Variants in RBBP5 observed in about 807,000 individuals in gnomAD.
RBBP5 encodes retinoblastoma-binding protein 5.
In RBBP5, 5 loss-of-function variants were observed where a neutral mutation model predicts 72.2. That is an observed-to-expected ratio of 0.07 (90% confidence interval 0.04 to 0.15). The LOEUF (loss-of-function observed/expected upper bound fraction) is 0.15. Among genes scored for constraint, RBBP5 ranks in the 10% least tolerant of loss-of-function variants. RBBP5 has a pLI of 1.00. For missense variants in RBBP5, 322 were observed against 652.2 expected (o/e 0.49, Z 5.51); for synonymous variants, 209 against 237.2 (o/e 0.88, Z 1.09).
At chr1:205,116,144 T>A in intron 1 of RBBP5, 1 of 582,550 alleles carries the variant, frequency 1.7e-6, no homozygotes, top group Non-Finnish European at 2.9e-6. Context: ...GAAGCAGATG[T>A]GAGAAGTCCC....
intron 3 of RBBP5, among the ~76,000 whole-genome samples, chr1:205,111,883 C>A (rs759960914): frequency 9.9e-5 from 15 of 152,180 alleles, no homozygotes; most frequent in Middle Eastern, 6.8e-3. Flanking sequence ...TATCGTATGT[C>A]CCATACCACA....
At chr1:205,120,779 TAA>T (rs35836514) in intron 1 of RBBP5, among the ~76,000 whole-genome samples, 14 of 137,592 alleles carry the variant, frequency 1.0e-4, no homozygotes, top group Admixed American at 1.5e-4. Flanking sequence ...GAGGCTGTCT[TAA>T]AAAAAAAAAA....
chr1:205,105,099 A>G lies in RBBP5; in HGVS notation c.288T>C (p.Leu96=). The change falls in exon 4 of 14, where the codon CTT becomes CTC. Residue 96 remains leucine (L), a synonymous_variant. Coordinates refer to ENST00000264515, the MANE Select transcript of RBBP5 (RefSeq NM_005057.4). ...GAAACCTCTGGTCACAGTCGCCTGAAAGAACATCCCACTGTGACACTATGT... is the reference window on the plus strand; with the variant it reads ...GAAACCTCTGGTCACAGTCGCCTGAGAGAACATCCCACTGTGACACTATGT... ...TDNIVSQWDV[L]SGDCDQRFRF... 6.2e-7 allele frequency: 1 copy of G among 1,614,060 alleles called. No individual in the cohort carries two copies. The highest frequency in any genetic ancestry group is 8.5e-7 in the Non-Finnish European group (1 of 1,180,000).
At chr1:205,094,381 T>A (rs562691964) in intron 13 of RBBP5, among the ~76,000 whole-genome samples, 23 of 152,290 alleles carry the variant, frequency 1.5e-4, no homozygotes, top group African/African-American at 5.5e-4. Context: ...CCTGTGGGAT[T>A]TGAACAATTT....
At chr1:205,090,490 T>C (rs984390920) in intron 13 of RBBP5, among the ~76,000 whole-genome samples, 15 of 152,286 alleles carry the variant, frequency 9.8e-5, no homozygotes, top group Admixed American at 6.5e-4. Context: ...CAAAAGCTTG[T>C]TGAGGCATCA....
Position 205,100,071 on chromosome 1 carries a change from G to C in RBBP5, c.753-7C>G. 6.2e-7 allele frequency: 1 copy of C among 1,613,814 alleles called. No individual in the cohort carries two copies. Among genetic ancestry groups the C allele is most frequent in the African/African-American group, 1.3e-5 (1 of 75,034 alleles). On this transcript the variant is annotated splice_polypyrimidine_tract_variant and splice_region_variant and intron_variant, in intron 7 of 13. Transcript: ENST00000264515. ...ACATTTCTTCCATGGGGTCCTAAAG[G>C]ACAAGGAAAGTACCAAGGAGAGCTG...
intron 6 of RBBP5, 87 bp from the exon 7 acceptor site, chr1:205,100,358 G>A (rs937647006): frequency 2.0e-6 from 3 of 1,487,188 alleles, no homozygotes; most frequent in African/African-American, 2.8e-5. Context: ...GGGAAGAATT[G>A]AGGAAAAATC....
At chr1:205,110,869 G>A (rs1656284358) in intron 3 of RBBP5, among the ~76,000 whole-genome samples, 1 of 152,214 alleles carries the variant, frequency 6.6e-6, no homozygotes, top group South Asian at 2.1e-4. Flanking sequence ...GTCAAGACTG[G>A]CCTGGCCAAC....
At position 205,114,893 on chromosome 1, in the gene RBBP5, C is replaced by T. The variant is rs760798854; in HGVS notation, c.114G>A (p.Leu38=). ...GGCCATCATTACAGCCAACTGCAAG[C>T]AGTGTGCCCCACCTGTTAAAGGTGC... ...LTCTFNRWGT[L]LAVGCNDGRI... Residue 38 remains leucine, a synonymous_variant, in exon 3 of 14, where the codon CTG becomes CTA. Transcript: ENST00000264515. 8 of 1,589,028 alleles carry T rather than the reference C, an allele frequency of 5.0e-6. No individual in the cohort carries two copies. The highest frequency in any genetic ancestry group is 1.7e-5 in the Admixed American group (1 of 58,010).
chr1:205,095,357 T>C (rs1418144908), intron 12 of RBBP5, among the ~76,000 whole-genome samples: 1 of 104,938 alleles, frequency 9.5e-6, no homozygotes, highest in African/African-American at 3.4e-5. Flanking sequence ...TAAATTTTCT[T>C]AAAACATTAT....
intron 3 of RBBP5, among the ~76,000 whole-genome samples, chr1:205,113,530 G>A (rs936934576): frequency 2.6e-5 from 4 of 152,012 alleles, no homozygotes; most frequent in African/African-American, 7.2e-5. Context: ...CTCCCAAAGC[G>A]CTGGGATTAT....
chr1:205,096,994 A>G (rs939608210), intron 11 of RBBP5, 83 bp from the exon 12 acceptor site: 2 of 1,234,806 alleles, frequency 1.6e-6, no homozygotes, highest in African/African-American at 3.0e-5. Context: ...TATCACCTAT[A>G]TTAAGCATAA....
chr1:205,112,217 T>C (rs745517177), intron 3 of RBBP5, among the ~76,000 whole-genome samples: 11 of 151,254 alleles, frequency 7.3e-5, no homozygotes, highest in South Asian at 4.2e-4. Context: ...ACTCAGGAGG[T>C]TGAGGCAGGA....
At chr1:205,103,277 A>T (rs550774396) in intron 5 of RBBP5, among the ~76,000 whole-genome samples, 15 of 151,906 alleles carry the variant, frequency 9.9e-5, no homozygotes, top group Non-Finnish European at 1.6e-4. Flanking sequence ...CCATGAAATT[A>T]TACTAACCCA....
chr1:205,114,896 T>C lies in RBBP5; in HGVS notation c.111A>G (p.Thr37=). 1 of 1,590,538 alleles carries C rather than the reference T, an allele frequency of 6.3e-7. No individual in the cohort carries two copies. The part of the protein sequence containing the change: ...ALTCTFNRWG[T]LLAVGCNDGR... Reference sequence around the variant, plus strand: ...CATCATTACAGCCAACTGCAAGCAGTGTGCCCCACCTGTTAAAGGTGCAAG... The same window carrying C: ...CATCATTACAGCCAACTGCAAGCAGCGTGCCCCACCTGTTAAAGGTGCAAG... The change falls in exon 3 of 14, where the codon ACA becomes ACG. Residue 37 remains threonine (T), a synonymous_variant. Transcript: ENST00000264515.
At position 205,114,980 on chromosome 1, in the gene RBBP5, A is replaced by G. The variant is rs758830163; in HGVS notation, c.46-19T>C. On this transcript the variant is annotated intron_variant, in intron 2 of 13. Transcript: ENST00000264515. Reference sequence around the variant, plus strand: ...CAGCTTCCTAAAAATTGAAACAAATACAAGAATAGAGGCAACAATAGCCAG... The same window carrying G: ...CAGCTTCCTAAAAATTGAAACAAATGCAAGAATAGAGGCAACAATAGCCAG... 6.4e-7 allele frequency: 1 copy of G among 1,571,428 alleles called. No homozygotes were observed. Among genetic ancestry groups the G allele is most frequent in the Non-Finnish European group, 8.7e-7 (1 of 1,154,806 alleles).
In RBBP5 at chr1:205,103,938, C is replaced by T. The variant is rs1173518146; in HGVS notation, c.441G>A (p.Val147=). 6.2e-7 allele frequency: 1 copy of T among 1,614,022 alleles called. No individual in the cohort carries two copies. Among genetic ancestry groups the T allele is most frequent in the Admixed American group, 1.7e-5 (1 of 59,996 alleles). ...LSDSKHVVLP[V]DDDSDLNVVA... Reference sequence around the variant, plus strand: ...CAACGTTCAAATCGGAGTCATCGTCCACCGGCAGAACAACATGTTTGGAAT... The same window carrying T: ...CAACGTTCAAATCGGAGTCATCGTCTACCGGCAGAACAACATGTTTGGAAT... The change falls in exon 5 of 14, where the codon GTG becomes GTA. Residue 147 remains valine (V), a synonymous_variant. Coordinates refer to ENST00000264515, the MANE Select transcript of RBBP5 (RefSeq NM_005057.4).
chr1:205,112,782 CA>C (rs1656368229), intron 3 of RBBP5, among the ~76,000 whole-genome samples: 1 of 152,032 alleles, frequency 6.6e-6, no homozygotes, highest in Admixed American at 6.6e-5. Flanking sequence ...GAGGGAAAAG[CA>C]AAATACAGAA....
intron 2 of RBBP5, 104 bp downstream of exon 2, chr1:205,115,754 A>G: frequency 7.3e-7 from 1 of 1,365,544 alleles, no homozygotes; most frequent in Non-Finnish European, 9.8e-7. Context: ...ATCACACTTA[A>G]TGCTTCTCTG....
Sources: allele counts gnomAD v4.1 joint callset (sites outside exome capture counted in the v4.1 genomes callset), GRCh38; gene constraint gnomAD v4.1.1; transcripts MANE v1.5; gene names NCBI Gene and HGNC (gene_info 2026-07-23, HGNC 2026-07-21).